TNKS: variants seen among roughly 807,000 people sequenced by gnomAD.
TNKS encodes the protein tankyrase.
A neutral mutation model predicts 135.8 loss-of-function variants in TNKS; 72 were observed. That is an observed-to-expected ratio of 0.53 (90% confidence interval 0.44 to 0.64). The LOEUF is 0.64. TNKS is among the 30% of genes least tolerant of loss of function. The pLI, the probability that TNKS is intolerant of heterozygous loss-of-function variation, is 0.00. For missense variants in TNKS, 1,769 were observed against 1,674.0 expected, an observed-to-expected ratio of 1.06 and a Z score of -0.99; for synonymous variants, 849 against 649.3, an observed-to-expected ratio of 1.31 and a Z score of -4.68.
intron 13 of TNKS, among the ~76,000 whole-genome samples, chr8:9,730,054 C>T (rs142467357): frequency 0.024 from 3,619 of 152,176 alleles, 245 homozygotes; most frequent in Admixed American, 0.13. Context: ...GGATTGCAGG[C>T]GTGAGCCAAC....
In TNKS at chr8:9,658,430, C is replaced by T. The variant is rs376058840; in HGVS notation, c.995-21521C>T. On this transcript the variant is annotated intron_variant, in intron 3 of 26. Coordinates refer to ENST00000310430, the MANE Select transcript of TNKS (RefSeq NM_003747.3). ...CTCCATCCTCCCGGCGGTCGGGCGG[C>T]GGCGGCTGCCAAGAAAAGAATTTTC... 487 of 1,226,744 alleles carry T rather than the reference C, an allele frequency of 4.0e-4. 7 individuals are homozygous for T. The South Asian group carries it at 4.4e-3, about 11-fold the overall frequency. 76.0% of individuals were successfully genotyped at this position (1,226,744 alleles called of 1,614,324 possible).
intron 1 of TNKS, chr8:9,575,402 G>A: frequency 1.0e-6 from 1 of 985,188 alleles, no homozygotes; most frequent in South Asian, 4.7e-5. Context: ...GGAACAAGGT[G>A]GGTCAACTCT....
intron 20 of TNKS, among the ~76,000 whole-genome samples, chr8:9,756,711 G>A (rs898004115): frequency 6.6e-6 from 1 of 152,106 alleles, no homozygotes; most frequent in Non-Finnish European, 1.5e-5. Flanking sequence ...CCCAGCTACA[G>A]AATTTTGGAA....
At chr8:9,748,451 T>A (rs934068924) in intron 18 of TNKS, among the ~76,000 whole-genome samples, 1 of 152,228 alleles carries the variant, frequency 6.6e-6, no homozygotes, top group Non-Finnish European at 1.5e-5. Flanking sequence ...AACATGGATC[T>A]TAAGAAAACA....
At chr8:9,636,657 T>C (rs13273330) in intron 3 of TNKS, among the ~76,000 whole-genome samples, 19,465 of 152,210 alleles carry the variant, frequency 0.13, 1,447 homozygotes, top group East Asian at 0.23. Flanking sequence ...TCCAGTGAGG[T>C]TGTTTTGAAG....
chr8:9,568,023 T>C (rs1454403458), intron 1 of TNKS, among the ~76,000 whole-genome samples: 2 of 152,226 alleles, frequency 1.3e-5, no homozygotes, highest in Non-Finnish European at 2.9e-5. Flanking sequence ...TAACACGAAA[T>C]ATGGAAAATA....
At chr8:9,696,843 G>T (rs1803536236) in intron 5 of TNKS, among the ~76,000 whole-genome samples, 1 of 152,150 alleles carries the variant, frequency 6.6e-6, no homozygotes, top group Admixed American at 6.5e-5. Context: ...TCATGGATTG[G>T]AAGAATCAGT....
Position 9,649,510 on chromosome 8 carries a change from TGGTGG to T in TNKS, c.995-30440_995-30436del, listed in dbSNP as rs1232495397. On this transcript the variant is annotated intron_variant, in intron 3 of 26. Transcript: ENST00000310430. ...TTTTCAATTGTTTTTGGGGGACAGG[TGGTGG>T]TTGGTTACACGGAAAAGTTCTTTAG... is the stretch of plus-strand genomic sequence containing the variant. Among the ~76,000 whole-genome samples, 24 of 152,304 alleles carry T rather than the reference TGGTGG, an allele frequency of 1.6e-4. No homozygotes were observed. The East Asian group carries it at 3.9e-3, about 24-fold the overall frequency.
chr8:9,679,475 TG>T lies in TNKS; in HGVS notation c.995-475del, dbSNP rs1042344821. On this transcript the variant is annotated intron_variant, in intron 3 of 26. Coordinates refer to ENST00000310430, the MANE Select transcript of TNKS (RefSeq NM_003747.3). ...TATAAAGCTCAACAATAGTAATTAA[TG>T]TTTTTTTTTTAACTTTCCATGTCAT... Among the ~76,000 whole-genome samples, 26 of 152,232 alleles carry T rather than the reference TG, an allele frequency of 1.7e-4. 1 individual carries two copies. The highest frequency in any genetic ancestry group is 6.3e-4 in the African/African-American group (26 of 41,526).
At position 9,709,936 on chromosome 8, in the gene TNKS, G is replaced by T; in HGVS notation, c.1579-19G>T. On this transcript the variant is annotated intron_variant, in intron 9 of 26. Transcript: ENST00000310430. ...ATATGGAAGTGTATTTTATTAACTT[G>T]GTTTTGTTTACTTTATAGCACTGTG... 6.3e-7 allele frequency: 1 copy of T among 1,596,636 alleles called. No homozygotes were observed. Among genetic ancestry groups the T allele is most frequent in the Non-Finnish European group, 8.6e-7 (1 of 1,165,854 alleles).
chr8:9,657,645 G>A (rs1465650699), intron 3 of TNKS, among the ~76,000 whole-genome samples: 1 of 84,618 alleles, frequency 1.2e-5, no homozygotes, highest in East Asian at 4.5e-4. Context: ...CTGGCCGGGT[G>A]GGGGGGCTGA....
chr8:9,764,433 G>C, intron 22 of TNKS, among the ~76,000 whole-genome samples: 1 of 151,784 alleles, frequency 6.6e-6, no homozygotes, highest in Admixed American at 6.6e-5. Context: ...TTCTCAATAA[G>C]ATAAGATAGT....
chr8:9,604,213 T>A (rs1263758337), intron 2 of TNKS, among the ~76,000 whole-genome samples: 3 of 152,146 alleles, frequency 2.0e-5, no homozygotes, highest in African/African-American at 7.2e-5. Flanking sequence ...ATTGAGCTCA[T>A]CATGTTTTGA....
At chr8:9,615,930 C>A (rs1304522505) in intron 3 of TNKS, among the ~76,000 whole-genome samples, 1 of 152,116 alleles carries the variant, frequency 6.6e-6, no homozygotes, top group Non-Finnish European at 1.5e-5. Flanking sequence ...GTATTTTAGT[C>A]ATTTTTATGG....
At chr8:9,606,370 A>C (rs973941022) in intron 2 of TNKS, among the ~76,000 whole-genome samples, 8 of 152,048 alleles carry the variant, frequency 5.3e-5, no homozygotes, top group African/African-American at 1.9e-4. Context: ...GCTTCATAAC[A>C]CAAAGTAGCT....
chr8:9,695,628 G>A (rs985102604), intron 5 of TNKS, among the ~76,000 whole-genome samples: 2 of 152,186 alleles, frequency 1.3e-5, no homozygotes, highest in African/African-American at 4.8e-5. Flanking sequence ...TTACTCTGCT[G>A]TCATGTTGTG....
At chr8:9,587,554 A>G (rs535839500) in intron 2 of TNKS, among the ~76,000 whole-genome samples, 86 of 151,450 alleles carry the variant, frequency 5.7e-4, no homozygotes, top group African/African-American at 2.0e-3. Flanking sequence ...CTCTGCCACC[A>G]CGCCCGGGTA....
At chr8:9,611,494 C>G (rs1412573795) in intron 2 of TNKS, among the ~76,000 whole-genome samples, 2 of 152,132 alleles carry the variant, frequency 1.3e-5, no homozygotes, top group African/African-American at 4.8e-5. Flanking sequence ...AGTGTGCTAT[C>G]AATGCGTATT....
intron 17 of TNKS, chr8:9,741,666 A>G (rs778681112): frequency 2.0e-6 from 1 of 508,430 alleles, no homozygotes; most frequent in East Asian, 5.6e-5. Context: ...CCATCAGTTA[A>G]GATGTTACTT....
Sources: gnomAD v4.1 joint callset for allele counts (sites outside exome capture counted in the v4.1 genomes callset) on GRCh38, gnomAD v4.1.1 for gene constraint, MANE v1.5 for transcripts, NCBI Gene and HGNC (gene_info 2026-07-23, HGNC 2026-07-21) for gene names.